The following GSE1 variants were observed in gnomAD, a reference collection of about 807,000 sequenced individuals.
GSE1 encodes Gse1 coiled-coil protein.
Under a neutral mutation model 112.6 loss-of-function variants are expected in GSE1, and 32 were observed. The observed-to-expected ratio is 0.28, with a 90% CI of 0.21 to 0.38. The LOEUF is 0.38. Ranked by LOEUF, GSE1 falls within the 10% of genes least tolerant of loss-of-function variation. The probability of loss-of-function intolerance (pLI) is 1.00; values close to 1 mark genes in which losing one functional copy is unlikely to be tolerated. For synonymous variants in GSE1, 1,115 were observed against 735.6 expected, an observed-to-expected ratio of 1.52 and a Z score of -8.35; for missense variants, 2,348 against 1,699.2, an observed-to-expected ratio of 1.38 and a Z score of -6.71.
At chr16:85,553,197 G>A (rs943870892), upstream of GSE1, among the ~76,000 whole-genome samples, 3 of 151,314 alleles carry the variant, frequency 2.0e-5, no homozygotes, top group African/African-American at 7.3e-5. Context: ...TGGGTGGGAG[G>A]GGAAAGCGGG....
chr16:85,337,883 C>T (rs547238422), intron 1 of GSE1, among the ~76,000 whole-genome samples: 1 of 152,362 alleles, frequency 6.6e-6, no homozygotes, highest in South Asian at 2.1e-4. Flanking sequence ...TTCTGAAAAC[C>T]ACTGGCCAAA....
At chr16:85,243,313 C>T (rs1176380901) in intron 1 of GSE1, among the ~76,000 whole-genome samples, 1 of 152,230 alleles carries the variant, frequency 6.6e-6, no homozygotes, top group Non-Finnish European at 1.5e-5. Flanking sequence ...CAGGTTCTTT[C>T]TGGGGGCTAC....
chr16:85,524,388 G>A (rs1470965739), intron 2 of GSE1, among the ~76,000 whole-genome samples: 1 of 152,150 alleles, frequency 6.6e-6, no homozygotes, highest in East Asian at 1.9e-4. Context: ...TCTAGTAATG[G>A]GGCTGCCTGC....
At chr16:85,627,637 T>C (rs2049185024) in intron 1 of GSE1, among the ~76,000 whole-genome samples, 2 of 152,080 alleles carry the variant, frequency 1.3e-5, no homozygotes, top group Admixed American at 6.5e-5. Context: ...GCTGCACATG[T>C]CAAGAGAGCT....
rs548731386 is a variant in GSE1 at position 85,408,096 on chromosome 16, C to T, written c.2464+50453C>T. Among the ~76,000 whole-genome samples, 253 of 52,810 alleles carry T rather than the reference C, an allele frequency of 4.8e-3. 72 individuals are homozygous for T. The highest frequency in any genetic ancestry group is 0.037 in the Middle Eastern group (3 of 82). The allele number at this position is 52,810 out of a possible 152,430, so 34.6% of individuals were successfully genotyped here. A position where few individuals can be genotyped will look rare whatever the true frequency, so the allele number is the denominator to read the frequency against. ...AATCCTCACTGTTACACTCAGGGCC[C>T]CCCTGGATAATCCTCACTGTTACTC... is the stretch of plus-strand genomic sequence containing the variant. On this transcript the variant is annotated intron_variant, in intron 2 of 2. Coordinates refer to the GSE1 transcript ENST00000637419.
intron 1 of GSE1, among the ~76,000 whole-genome samples, chr16:85,222,340 G>C (rs970998749): frequency 6.6e-6 from 1 of 152,236 alleles, no homozygotes. Flanking sequence ...GGCAGGCCTC[G>C]GCATTGGTGG....
At chr16:85,652,177 C>T (rs1490818042) in intron 3 of GSE1, among the ~76,000 whole-genome samples, 3 of 152,230 alleles carry the variant, frequency 2.0e-5, no homozygotes, top group Non-Finnish European at 4.4e-5. Flanking sequence ...CCCGCATGCC[C>T]GTTCATAGCC....
At chr16:85,354,610 C>A (rs1169054184) in intron 1 of GSE1, among the ~76,000 whole-genome samples, 1 of 152,212 alleles carries the variant, frequency 6.6e-6, no homozygotes, top group Non-Finnish European at 1.5e-5. Context: ...CCAGGAGGGA[C>A]CAGGAGGTGG....
At chr16:85,371,895 G>A (rs568618915) in intron 2 of GSE1, among the ~76,000 whole-genome samples, 1 of 152,352 alleles carries the variant, frequency 6.6e-6, no homozygotes, top group South Asian at 2.1e-4. Flanking sequence ...TTCTGGAAGT[G>A]GGAGGAAAAG....
chr16:85,498,108 G>T (rs140578468), intron 2 of GSE1, among the ~76,000 whole-genome samples: 133 of 152,222 alleles, frequency 8.7e-4, no homozygotes, highest in African/African-American at 3.0e-3. Flanking sequence ...GGGCCGTGCT[G>T]GCTGATGAAG....
intron 1 of GSE1, among the ~76,000 whole-genome samples, chr16:85,622,886 G>T (rs115305409): frequency 2.9e-4 from 44 of 152,172 alleles, no homozygotes; most frequent in African/African-American, 8.0e-4. Flanking sequence ...TGCAGCTGCC[G>T]CAGGGCTGTT....
At chr16:85,641,432 C>A (rs552212641) in intron 2 of GSE1, among the ~76,000 whole-genome samples, 1 of 152,152 alleles carries the variant, frequency 6.6e-6, no homozygotes, top group Non-Finnish European at 1.5e-5. Flanking sequence ...CGCCCCCCCC[C>A]GCCCTTTTGC....
intron 2 of GSE1, among the ~76,000 whole-genome samples, chr16:85,459,003 T>G (rs1343471809): frequency 1.3e-5 from 2 of 152,196 alleles, no homozygotes; most frequent in Non-Finnish European, 1.5e-5. Flanking sequence ...CTCAGGAGTA[T>G]TGGCCGCTTT....
At chr16:85,637,553 G>A (rs770995142) in intron 2 of GSE1, among the ~76,000 whole-genome samples, 4 of 152,164 alleles carry the variant, frequency 2.6e-5, no homozygotes, top group Non-Finnish European at 5.9e-5. Flanking sequence ...TCGCGGCAGT[G>A]GCTGTGTATC....
chr16:85,375,236 G>C (rs1350275281), intron 2 of GSE1, among the ~76,000 whole-genome samples: 1 of 152,168 alleles, frequency 6.6e-6, no homozygotes, highest in Non-Finnish European at 1.5e-5. Context: ...TTGCCTGGGA[G>C]CTTCTGGATC....
intron 2 of GSE1, among the ~76,000 whole-genome samples, chr16:85,529,742 G>A (rs146922304): frequency 6.6e-6 from 1 of 152,310 alleles, no homozygotes; most frequent in Non-Finnish European, 1.5e-5. Flanking sequence ...GACGGAACAG[G>A]GAGGCTTCCG....
intron 2 of GSE1, among the ~76,000 whole-genome samples, chr16:85,417,410 G>A (rs912060886): frequency 1.8e-5 from 2 of 113,724 alleles, no homozygotes; most frequent in Non-Finnish European, 4.1e-5. Flanking sequence ...GCTGGAAGAA[G>A]ATCCTTGGCC....
At chr16:85,618,059 A>G (rs1353502722) in intron 1 of GSE1, among the ~76,000 whole-genome samples, 3 of 152,142 alleles carry the variant, frequency 2.0e-5, no homozygotes, top group African/African-American at 7.2e-5. Flanking sequence ...TTACAAATGC[A>G]GAGTCCCACT....
At chr16:85,514,668 T>C (rs1015128896) in intron 2 of GSE1, among the ~76,000 whole-genome samples, 2 of 152,152 alleles carry the variant, frequency 1.3e-5, no homozygotes, top group African/African-American at 4.8e-5. Context: ...AGGGCCTCTA[T>C]TGCCAGAAAC....
Sources: allele counts gnomAD v4.1 joint callset (sites outside exome capture counted in the v4.1 genomes callset), GRCh38; gene constraint gnomAD v4.1.1; transcripts MANE v1.5; gene names NCBI Gene and HGNC (gene_info 2026-07-23, HGNC 2026-07-21).